Variants in ZRANB3 observed in about 807,000 individuals in gnomAD.
The protein encoded by ZRANB3 is DNA annealing helicase and endonuclease ZRANB3.
Under a neutral mutation model 133.8 loss-of-function variants are expected in ZRANB3, and 125 were observed. The observed-to-expected ratio is 0.93, with a 90% CI of 0.81 to 1.08. The LOEUF (loss-of-function observed/expected upper bound fraction) is 1.08, where lower values mean the gene tolerates loss of function less well. Among genes scored for constraint, ZRANB3 ranks in the 50% least tolerant of loss-of-function variants. ZRANB3 has a pLI of 0.00. For missense variants in ZRANB3, 1,229 were observed against 1,275.5 expected, an observed-to-expected ratio of 0.96 and a Z score of 0.56; for synonymous variants, 387 against 432.7, an observed-to-expected ratio of 0.89 and a Z score of 1.31.
At chr2:135,244,611 A>AT (rs1558858914) in intron 12 of ZRANB3, among the ~76,000 whole-genome samples, 3 of 150,666 alleles carry the variant, frequency 2.0e-5, no homozygotes, top group African/African-American at 4.9e-5. Flanking sequence ...CATCTCAAAA[A>AT]TAAATAAATA....
At chr2:135,260,706 T>C (rs1351049130) in intron 12 of ZRANB3, among the ~76,000 whole-genome samples, 2 of 146,282 alleles carry the variant, frequency 1.4e-5, no homozygotes, top group Non-Finnish European at 3.0e-5. Context: ...CTTGAATATA[T>C]TATTGACTAT....
chr2:135,291,018 C>A (rs61467742), intron 8 of ZRANB3, among the ~76,000 whole-genome samples: 1 of 152,032 alleles, frequency 6.6e-6, no homozygotes, highest in South Asian at 2.1e-4. Context: ...CATTCTCATA[C>A]CTCAGCCTCC....
chr2:135,294,635 C>A (rs1681942535), intron 8 of ZRANB3, among the ~76,000 whole-genome samples: 1 of 152,140 alleles, frequency 6.6e-6, no homozygotes, highest in Non-Finnish European at 1.5e-5. Context: ...TTGCCTTCTG[C>A]TAGCTTTTGA....
At chr2:135,338,765 C>T (rs896092150) in intron 6 of ZRANB3, among the ~76,000 whole-genome samples, 8 of 152,126 alleles carry the variant, frequency 5.3e-5, no homozygotes, top group African/African-American at 1.9e-4. Flanking sequence ...TTACTAAACA[C>T]GCAATTTCAA....
intron 7 of ZRANB3, among the ~76,000 whole-genome samples, chr2:135,314,810 G>A (rs1250905723): frequency 4.6e-5 from 7 of 151,238 alleles, no homozygotes; most frequent in Middle Eastern, 3.4e-3. Flanking sequence ...GTGCAATGGC[G>A]CGATCTCGGC....
chr2:135,521,863 T>C (rs962249215), intron 1 of ZRANB3, among the ~76,000 whole-genome samples: 2 of 152,096 alleles, frequency 1.3e-5, no homozygotes, highest in African/African-American at 4.8e-5. Context: ...CAGAGAATCA[T>C]GATAAGGATA....
Position 135,207,862 on chromosome 2 carries a change from G to A in ZRANB3, c.2607-26C>T, listed in dbSNP as rs1693944806. 4 of 1,565,948 alleles carry A rather than the reference G, an allele frequency of 2.6e-6. No homozygotes were observed. In the South Asian group the frequency reaches 3.5e-5, roughly 14 times the overall value. On this transcript the variant is annotated intron_variant, in intron 18 of 20. Coordinates refer to ENST00000264159, the MANE Select transcript of ZRANB3 (RefSeq NM_032143.4). Reference sequence around the variant, plus strand: ...CTACAATTGATAAAAACACTGAATAGGTAACTAATGAATGATTAGGCTAAA... The same window carrying A: ...CTACAATTGATAAAAACACTGAATAAGTAACTAATGAATGATTAGGCTAAA...
Position 135,313,698 on chromosome 2 carries a change from T to A in ZRANB3, c.850-93A>T, listed in dbSNP as rs6729455. The A allele has an allele frequency of 9.8e-3, 7,215 of 734,048 alleles. 352 individuals are homozygous for A. The African/African-American group carries it at 0.11, about 11-fold the overall frequency. 45.5% of individuals were successfully genotyped at this position (734,048 alleles called of 1,614,324 possible). A position where few individuals can be genotyped will look rare whatever the true frequency, so the allele number is the denominator to read the frequency against. On this transcript the variant is annotated intron_variant, in intron 7 of 20. Transcript: ENST00000264159. The stretch of plus-strand genomic sequence containing the variant: ...GAATCATGTCCTACTTTTTTTCCTT[T>A]TCTCTATAGAAAGATATAAAAAGAA...
intron 6 of ZRANB3, among the ~76,000 whole-genome samples, chr2:135,319,044 A>G (rs945173486): frequency 2.0e-5 from 3 of 152,250 alleles, no homozygotes; most frequent in African/African-American, 7.2e-5. Context: ...ATGCTTTAAA[A>G]TGGGGTGTAT....
intron 8 of ZRANB3, among the ~76,000 whole-genome samples, chr2:135,301,036 C>T (rs1558899942): frequency 6.6e-6 from 1 of 152,074 alleles, no homozygotes; most frequent in Non-Finnish European, 1.5e-5. Flanking sequence ...AATTCCTCCT[C>T]TTCTTCCTCT....
At position 135,228,304 on chromosome 2, in the gene ZRANB3, T is replaced by G. The variant is rs1002829862; in HGVS notation, c.1955-289A>C. ...TATTTTCAGATAAAGAGAACACAAC[T>G]AAGTTTTGTTTTTTTTTTTTTTTCA... On this transcript the variant is annotated intron_variant, in intron 13 of 20. Transcript: ENST00000264159. The G allele has an allele frequency of 6.8e-5, 14 of 204,870 alleles. No individual in the cohort carries two copies. In the South Asian group the frequency reaches 1.0e-3, roughly 15 times the overall value. 12.7% of individuals were successfully genotyped at this position (204,870 alleles called of 1,614,324 possible).
At chr2:135,407,818 T>C (rs1306060668) in intron 2 of ZRANB3, among the ~76,000 whole-genome samples, 1 of 134,586 alleles carries the variant, frequency 7.4e-6, no homozygotes, top group Non-Finnish European at 1.5e-5. Flanking sequence ...ATACAAAAAT[T>C]AATTCAAGAT....
At chr2:135,382,621 A>G (rs962644335) in intron 3 of ZRANB3, among the ~76,000 whole-genome samples, 5 of 152,240 alleles carry the variant, frequency 3.3e-5, no homozygotes, top group Admixed American at 2.6e-4. Context: ...AGGGAAGCCC[A>G]TCAGACTAAC....
chr2:135,273,851 T>A (rs1381155999), intron 9 of ZRANB3, among the ~76,000 whole-genome samples: 1 of 152,182 alleles, frequency 6.6e-6, no homozygotes, highest in Non-Finnish European at 1.5e-5. Flanking sequence ...TCTACATTTT[T>A]AACTCTTAGT....
At chr2:135,282,096 A>G (rs1335991847) in intron 8 of ZRANB3, among the ~76,000 whole-genome samples, 6 of 152,154 alleles carry the variant, frequency 3.9e-5, no homozygotes, top group Non-Finnish European at 8.8e-5. Context: ...TTATTTACCC[A>G]TCAGTTGATA....
chr2:135,293,954 T>C (rs1001209565), intron 8 of ZRANB3, among the ~76,000 whole-genome samples: 5 of 151,852 alleles, frequency 3.3e-5, no homozygotes, highest in African/African-American at 1.2e-4. Context: ...GCCCACTTGA[T>C]CATGGTGGAT....
At position 135,224,224 on chromosome 2, in the gene ZRANB3, C is replaced by A. The variant is rs143537770; in HGVS notation, c.2250+202G>T. 3.0e-4 allele frequency among the ~76,000 whole-genome samples: 45 copies of A among 152,280 alleles called. No homozygotes were observed. The East Asian group carries it at 6.0e-3, about 20-fold the overall frequency. On this transcript the variant is annotated intron_variant, in intron 15 of 20. Transcript: ENST00000264159. ...ACTAACAGATTTGAACTGAAGCAGTCTAGCCCTGAAGTCTATGTTCTTAAA... is the reference window on the plus strand; with the variant it reads ...ACTAACAGATTTGAACTGAAGCAGTATAGCCCTGAAGTCTATGTTCTTAAA...
intron 14 of ZRANB3, among the ~76,000 whole-genome samples, chr2:135,226,139 CTG>C (rs1694753476): frequency 6.6e-6 from 1 of 152,194 alleles, no homozygotes; most frequent in Non-Finnish European, 1.5e-5. Flanking sequence ...ATAAAAATAA[CTG>C]TAACAACAAT....
At chr2:135,215,580 G>A (rs1399254405) in intron 17 of ZRANB3, among the ~76,000 whole-genome samples, 3 of 152,184 alleles carry the variant, frequency 2.0e-5, no homozygotes, top group Admixed American at 2.0e-4. Flanking sequence ...GAATTTGAAT[G>A]ACTTCAGATG....
Sources: gnomAD v4.1 joint callset for allele counts (sites outside exome capture counted in the v4.1 genomes callset) on GRCh38, gnomAD v4.1.1 for gene constraint, MANE v1.5 for transcripts, NCBI Gene and HGNC (gene_info 2026-07-23, HGNC 2026-07-21) for gene names.